DCLK2: variants seen among roughly 807,000 people sequenced by gnomAD.
DCLK2 encodes the protein doublecortin like kinase 2.
Under a neutral mutation model 78.4 loss-of-function variants are expected in DCLK2, and 31 were observed. That is an observed-to-expected ratio of 0.40 (90% confidence interval 0.30 to 0.53). DCLK2 has a LOEUF of 0.53. DCLK2 is among the 20% of genes least tolerant of loss of function. The pLI, the probability that DCLK2 is intolerant of heterozygous loss-of-function variation, is 0.61. For missense variants in DCLK2, 872 were observed against 973.7 expected (o/e 0.90, Z 1.39); for synonymous variants, 407 against 374.9 (o/e 1.09, Z -0.99).
At chr4:150,199,122 G>C in intron 4 of DCLK2, 1 of 1,557,972 alleles carries the variant, frequency 6.4e-7, no homozygotes, top group Non-Finnish European at 8.7e-7. Context: ...CTGGGTTTTT[G>C]TTTTTGTTTT....
At chr4:150,224,730 C>T (rs531439470) in intron 8 of DCLK2, among the ~76,000 whole-genome samples, 172 bp downstream of exon 8, 1 of 152,170 alleles carries the variant, frequency 6.6e-6, no homozygotes, top group Non-Finnish European at 1.5e-5. Flanking sequence ...TTTTCAGAAA[C>T]TTTAATCCTA....
At chr4:150,179,129 G>A (rs530683689) in intron 2 of DCLK2, among the ~76,000 whole-genome samples, 360 of 152,178 alleles carry the variant, frequency 2.4e-3, no homozygotes, top group African/African-American at 8.1e-3. Flanking sequence ...CCAGGTTCAC[G>A]CCATTCTCCT....
At chr4:150,240,765 AAAAG>A (rs1484455353) in intron 12 of DCLK2, among the ~76,000 whole-genome samples, 44 of 80,954 alleles carry the variant, frequency 5.4e-4, no homozygotes, top group East Asian at 2.8e-3. Context: ...AAAAAAAAGA[AAAAG>A]AAAAAAAAAA....
At chr4:150,086,117 G>T (rs756605565) in intron 1 of DCLK2, among the ~76,000 whole-genome samples, 1 of 152,106 alleles carries the variant, frequency 6.6e-6, no homozygotes, top group Non-Finnish European at 1.5e-5. Flanking sequence ...AACCCAACAG[G>T]GGGTGGGACC....
intron 1 of DCLK2, among the ~76,000 whole-genome samples, chr4:150,098,818 A>G (rs1319486785): frequency 1.3e-5 from 2 of 149,072 alleles, no homozygotes; most frequent in South Asian, 4.2e-4. Context: ...GCCTCAGCCT[A>G]CTGAGTAGCT....
intron 4 of DCLK2, among the ~76,000 whole-genome samples, chr4:150,200,117 G>A (rs750754475): frequency 5.2e-4 from 79 of 152,158 alleles, no homozygotes; most frequent in Non-Finnish European, 7.1e-4. Flanking sequence ...TTAACATATT[G>A]AACTAAAAAC....
intron 1 of DCLK2, 129 bp downstream of exon 1, chr4:150,079,577 T>A (rs1729091446): frequency 1.0e-6 from 1 of 963,278 alleles, no homozygotes. Context: ...TCTGTCTGCT[T>A]CTCTAGAGAT....
At chr4:150,097,251 C>A (rs774558019) in intron 1 of DCLK2, among the ~76,000 whole-genome samples, 5 of 151,382 alleles carry the variant, frequency 3.3e-5, no homozygotes, top group Admixed American at 6.6e-5. Context: ...CAACCTCCGC[C>A]TTCTGGGTTC....
chr4:150,102,576 T>C lies in DCLK2; in HGVS notation c.520T>C (p.Ser174Pro), dbSNP rs538939072. 7 of 1,614,162 alleles carry C rather than the reference T, an allele frequency of 4.3e-6. No homozygotes were observed. The African/African-American group carries it at 9.3e-5, about 22-fold the overall frequency. ...NWSVNIKGGT[S>P]RALAAASSVK... Reference sequence around the variant, plus strand: ...GTCTGTGAACATCAAGGGTGGGACATCCCGAGCGCTGGCTGCTGCCTCCTC... The same window carrying C: ...GTCTGTGAACATCAAGGGTGGGACACCCCGAGCGCTGGCTGCTGCCTCCTC... The change falls in exon 2 of 16, where the codon TCC (serine) becomes CCC (proline). Residue 174 changes from serine (S) to proline (P), a missense_variant. This residue lies in a region of DCLK2 where 567 missense variants were observed against 593.4 expected (regional missense o/e 0.96). Coordinates refer to ENST00000296550, the MANE Select transcript of DCLK2 (RefSeq NM_001040260.4).
At chr4:150,152,754 G>T (rs902612240) in intron 2 of DCLK2, among the ~76,000 whole-genome samples, 1 of 152,086 alleles carries the variant, frequency 6.6e-6, no homozygotes, top group Non-Finnish European at 1.5e-5. Context: ...CATTATTGCT[G>T]TTCAAAGAAT....
At position 150,078,769 on chromosome 4, in the gene DCLK2, C is replaced by A; in HGVS notation, c.-259C>A. 1 of 342,890 alleles carries A rather than the reference C, an allele frequency of 2.9e-6. No individual in the cohort carries two copies. Among genetic ancestry groups the A allele is most frequent in the Non-Finnish European group, 5.2e-6 (1 of 193,150 alleles). The allele number at this position is 342,890 out of a possible 1,614,324, so 21.2% of individuals were successfully genotyped here. A position where few individuals can be genotyped will look rare whatever the true frequency, so the allele number is the denominator to read the frequency against. On this transcript the variant is annotated 5_prime_UTR_variant, in exon 1 of 16. Transcript: ENST00000296550. ...AGGCGCTTGCGGGGGCGTGGGGCTC[C>A]CCGGCAGGCGGGAGGCACGGAGCAA...
rs143689921 is a variant in DCLK2 at position 150,169,138 on chromosome 4, C to T, written c.757-24000C>T. 2.4e-4 allele frequency among the ~76,000 whole-genome samples: 37 copies of T among 152,084 alleles called. No homozygotes were observed. In the East Asian group the frequency reaches 6.6e-3, roughly 27 times the overall value. On this transcript the variant is annotated intron_variant, in intron 2 of 15. Transcript: ENST00000296550. ...TTAGCTTAAGGCACAGTCTTTTACC[C>T]AGGACTCTCATCTGACACAAGTAGG...
chr4:150,232,576 T>C, intron 9 of DCLK2, 106 bp from the exon 10 acceptor site: 1 of 1,524,298 alleles, frequency 6.6e-7, no homozygotes. Flanking sequence ...TCGCCGATTT[T>C]AGTGGCACTT....
At chr4:150,236,221 G>A (rs1442552709) in intron 10 of DCLK2, among the ~76,000 whole-genome samples, 1 of 152,178 alleles carries the variant, frequency 6.6e-6, no homozygotes, top group Non-Finnish European at 1.5e-5. Context: ...ACACTGCAGG[G>A]CTAGAGTTCT....
At chr4:150,202,506 A>G (rs939745076) in intron 4 of DCLK2, among the ~76,000 whole-genome samples, 2 of 152,210 alleles carry the variant, frequency 1.3e-5, no homozygotes, top group South Asian at 2.1e-4. Context: ...ATTCCTGTTT[A>G]CAGGTGATTC....
chr4:150,127,791 C>T (rs1037575305), intron 2 of DCLK2, among the ~76,000 whole-genome samples: 1 of 152,176 alleles, frequency 6.6e-6, no homozygotes, highest in South Asian at 2.1e-4. Flanking sequence ...TGGCATTAAG[C>T]CCCTAGATAC....
chr4:150,171,209 G>A (rs186962485), intron 2 of DCLK2, among the ~76,000 whole-genome samples: 15 of 152,278 alleles, frequency 9.9e-5, no homozygotes, highest in Non-Finnish European at 2.1e-4. Context: ...GGCTGGGCGC[G>A]GTGGCTCACG....
intron 1 of DCLK2, 34 bp from the exon 2 acceptor site, chr4:150,102,444 A>T (rs887054232): frequency 6.3e-7 from 1 of 1,590,534 alleles, no homozygotes; most frequent in Admixed American, 1.7e-5. Flanking sequence ...TGATAGAGAT[A>T]ATCATGCTAA....
At chr4:150,138,331 G>A (rs1006591832) in intron 2 of DCLK2, among the ~76,000 whole-genome samples, 29 of 152,140 alleles carry the variant, frequency 1.9e-4, no homozygotes, top group East Asian at 1.2e-3. Context: ...ATAAGAGGCC[G>A]GGTGCAGTGG....
Sources: gnomAD v4.1 joint callset for allele counts (sites outside exome capture counted in the v4.1 genomes callset) on GRCh38, gnomAD v4.1.1 for gene constraint, gnomAD v4.1.1 regional missense constraint, MANE v1.5 for transcripts, NCBI Gene and HGNC (gene_info 2026-07-23, HGNC 2026-07-21) for gene names.